NUBPL: variants seen among roughly 807,000 people sequenced by gnomAD.
NUBPL encodes NUBP iron-sulfur cluster assembly factor, mitochondrial, also known as iron-sulfur cluster transfer protein NUBPL.
NUBPL carries 31 observed loss-of-function variants against 45.7 expected under a neutral mutation model. The ratio of observed to expected loss-of-function variants is 0.68; its 90% CI spans 0.51 to 0.92. The LOEUF (loss-of-function observed/expected upper bound fraction) is 0.92, where lower values mean the gene tolerates loss of function less well. NUBPL is among the 40% of genes least tolerant of loss of function. The pLI is 0.00. For missense variants in NUBPL, 401 were observed against 398.7 expected, an observed-to-expected ratio of 1.01 and a Z score of -0.05; for synonymous variants, 144 against 140.9, an observed-to-expected ratio of 1.02 and a Z score of -0.15.
At chr14:31,592,400 G>C (rs1251804931) in intron 3 of NUBPL, among the ~76,000 whole-genome samples, 1 of 152,132 alleles carries the variant, frequency 6.6e-6, no homozygotes, top group African/African-American at 2.4e-5. Context: ...GGCAGTGAAG[G>C]GTTTTGAGCA....
intron 6 of NUBPL, among the ~76,000 whole-genome samples, chr14:31,745,574 T>C (rs77575151): frequency 0.066 from 9,865 of 150,542 alleles, 454 homozygotes; most frequent in Non-Finnish European, 0.092. Context: ...TGTTGATTTC[T>C]TTTTCAGCTA....
At chr14:31,728,959 A>T (rs2037985746) in intron 6 of NUBPL, among the ~76,000 whole-genome samples, 1 of 152,202 alleles carries the variant, frequency 6.6e-6, no homozygotes, top group Non-Finnish European at 1.5e-5. Context: ...AGCACCTGAA[A>T]TTGAAAGAGT....
chr14:31,678,989 C>T (rs1280455590), intron 6 of NUBPL, among the ~76,000 whole-genome samples: 1 of 152,234 alleles, frequency 6.6e-6, no homozygotes, highest in African/African-American at 2.4e-5. Flanking sequence ...CGATTCCCCT[C>T]TGGTTAGGGC....
At chr14:31,676,295 T>A (rs1266804898) in intron 6 of NUBPL, among the ~76,000 whole-genome samples, 1 of 152,170 alleles carries the variant, frequency 6.6e-6, no homozygotes, top group Non-Finnish European at 1.5e-5. Flanking sequence ...AGTGCTGGGA[T>A]TACAGGCGTG....
chr14:31,690,911 A>C (rs1015786743), intron 6 of NUBPL, among the ~76,000 whole-genome samples: 2 of 152,246 alleles, frequency 1.3e-5, no homozygotes, highest in East Asian at 3.8e-4. Flanking sequence ...CTGTGCCAGG[A>C]AACAAATTGA....
At chr14:31,754,665 G>A (rs1335554427) in intron 6 of NUBPL, among the ~76,000 whole-genome samples, 1 of 140,874 alleles carries the variant, frequency 7.1e-6, no homozygotes, top group African/African-American at 2.6e-5. Context: ...TTGCAGGCAA[G>A]CATATTAGGG....
At chr14:31,611,990 C>T (rs76573403) in intron 4 of NUBPL, among the ~76,000 whole-genome samples, 7,139 of 152,224 alleles carry the variant, frequency 0.047, 209 homozygotes, top group Admixed American at 0.066. Flanking sequence ...GGAAAGATCT[C>T]CAGGACATTG....
chr14:31,685,652 G>A (rs1223676455), intron 6 of NUBPL, among the ~76,000 whole-genome samples: 4 of 152,012 alleles, frequency 2.6e-5, no homozygotes, highest in Non-Finnish European at 5.9e-5. Flanking sequence ...GGTCAGAGAG[G>A]TAAGTTATTT....
chr14:31,798,192 C>G (rs1006183746), intron 7 of NUBPL, among the ~76,000 whole-genome samples: 4 of 152,144 alleles, frequency 2.6e-5, no homozygotes, highest in Admixed American at 6.5e-5. Context: ...GCTTCTCACC[C>G]AAGTGTTTTT....
chr14:31,792,199 T>G (rs981031312), intron 7 of NUBPL, among the ~76,000 whole-genome samples: 2 of 152,228 alleles, frequency 1.3e-5, no homozygotes, highest in African/African-American at 4.8e-5. Context: ...TAAAATTCAC[T>G]TAGGTTGAAA....
chr14:31,645,311 C>A (rs560268692), intron 4 of NUBPL, among the ~76,000 whole-genome samples: 78 of 152,036 alleles, frequency 5.1e-4, no homozygotes, highest in Middle Eastern at 6.8e-3. Flanking sequence ...CGTGATCCGC[C>A]CATCTCAGCC....
chr14:31,846,409 T>C (rs981455133), intron 8 of NUBPL, 62 bp from the exon 9 acceptor site: 2 of 1,400,844 alleles, frequency 1.4e-6, no homozygotes, highest in African/African-American at 2.8e-5. Flanking sequence ...TAAAAATTTG[T>C]TGAAGTAATG....
intron 6 of NUBPL, among the ~76,000 whole-genome samples, chr14:31,726,094 G>A (rs1566525630): frequency 6.6e-6 from 1 of 152,090 alleles, no homozygotes; most frequent in African/African-American, 2.4e-5. Flanking sequence ...AAATGTTATG[G>A]CCTTTCTCAT....
chr14:31,732,607 CTCTTTTTTTT>C (rs1165051172), intron 6 of NUBPL, among the ~76,000 whole-genome samples: 1 of 78,066 alleles, frequency 1.3e-5, no homozygotes, highest in African/African-American at 4.1e-5. Context: ...TCAATTTGTT[CTCTTTTTTTT>C]TTTTTTTTTT....
intron 4 of NUBPL, among the ~76,000 whole-genome samples, chr14:31,654,687 GTGTGAGCCAC>G (rs1566479658): frequency 6.6e-6 from 1 of 152,100 alleles, no homozygotes. Flanking sequence ...GGGATTACAG[GTGTGAGCCAC>G]TGTGCCTGCC....
intron 6 of NUBPL, among the ~76,000 whole-genome samples, chr14:31,771,360 ATTC>A (rs1338516840): frequency 6.6e-6 from 1 of 152,212 alleles, no homozygotes; most frequent in Non-Finnish European, 1.5e-5. Flanking sequence ...CAAATGAATA[ATTC>A]TTCTATTTCT....
At chr14:31,761,133 A>G (rs1325785466) in intron 6 of NUBPL, among the ~76,000 whole-genome samples, 1 of 152,166 alleles carries the variant, frequency 6.6e-6, no homozygotes, top group East Asian at 1.9e-4. Flanking sequence ...AACACCATTA[A>G]ATGATGTATA....
intron 7 of NUBPL, among the ~76,000 whole-genome samples, chr14:31,825,689 GTTCT>G (rs1251490308): frequency 9.2e-6 from 1 of 108,506 alleles, no homozygotes; most frequent in Non-Finnish European, 1.9e-5. Context: ...TCTTTCTTTT[GTTCT>G]TTCTTCTTCA....
intron 4 of NUBPL, chr14:31,662,279 ATTTAT>A (rs1455830189): frequency 1.8e-3 from 233 of 128,770 alleles, no homozygotes; most frequent in Middle Eastern, 0.016. Flanking sequence ...TAATATTTAT[ATTTAT>A]TTTATTTTAT....
Sources: gnomAD v4.1 joint callset for allele counts (sites outside exome capture counted in the v4.1 genomes callset) on GRCh38, gnomAD v4.1.1 for gene constraint, MANE v1.5 for transcripts, NCBI Gene and HGNC (gene_info 2026-07-23, HGNC 2026-07-21) for gene names.